The following PUS10 variants were observed in gnomAD, a reference collection of about 807,000 sequenced individuals.
PUS10 encodes the protein pseudouridine synthase 10, also known as tRNA pseudouridine synthase Pus10.
Under a neutral mutation model 75.0 loss-of-function variants are expected in PUS10, and 59 were observed. The ratio of observed to expected loss-of-function variants is 0.79; its 90% CI spans 0.64 to 0.98. The LOEUF (loss-of-function observed/expected upper bound fraction) is 0.98. Ranked by LOEUF, PUS10 falls within the 50% of genes least tolerant of loss-of-function variation. The pLI, the probability that PUS10 is intolerant of heterozygous loss-of-function variation, is 0.00. For synonymous variants in PUS10, 219 were observed against 211.6 expected (o/e 1.03, Z -0.30); for missense variants, 650 against 614.4 (o/e 1.06, Z -0.61).
At chr2:61,014,275 G>A (rs958119845) in intron 1 of PUS10, among the ~76,000 whole-genome samples, 2 of 152,016 alleles carry the variant, frequency 1.3e-5, no homozygotes, top group Non-Finnish European at 2.9e-5. Flanking sequence ...CCACTCAGGA[G>A]GCTGAGACAA....
intron 4 of PUS10, among the ~76,000 whole-genome samples, chr2:61,000,539 C>T (rs1237682806): frequency 6.6e-6 from 1 of 152,130 alleles, no homozygotes; most frequent in African/African-American, 2.4e-5. Context: ...AATCTGTTTC[C>T]TTGCCTTTTC....
intron 15 of PUS10, among the ~76,000 whole-genome samples, chr2:60,949,340 A>G (rs964726472): frequency 4.6e-5 from 7 of 152,124 alleles, no homozygotes; most frequent in African/African-American, 1.4e-4. Flanking sequence ...ATTAACAACT[A>G]TCTATGGAGT....
chr2:60,963,475 T>C (rs1573415570), intron 8 of PUS10, among the ~76,000 whole-genome samples: 1 of 152,320 alleles, frequency 6.6e-6, no homozygotes, highest in South Asian at 2.1e-4. Context: ...CACTTGGATT[T>C]TTTAAGATAA....
intron 10 of PUS10, 129 bp downstream of exon 10, chr2:60,961,334 C>T (rs536630032): frequency 2.7e-6 from 2 of 736,938 alleles, no homozygotes; most frequent in Admixed American, 2.3e-5. Flanking sequence ...ATTGATTCTA[C>T]TTCTCAAGAG....
At chr2:60,948,386 C>T (rs751162994) in intron 15 of PUS10, among the ~76,000 whole-genome samples, 4 of 152,148 alleles carry the variant, frequency 2.6e-5, no homozygotes, top group Non-Finnish European at 5.9e-5. Context: ...CCGCCATGCC[C>T]GGCTGATTTT....
chr2:60,990,171 C>A (rs931867866), intron 4 of PUS10, among the ~76,000 whole-genome samples: 3 of 151,650 alleles, frequency 2.0e-5, no homozygotes, highest in African/African-American at 7.3e-5. Context: ...GGAAAAAAAA[C>A]CTAGAAAACA....
intron 4 of PUS10, among the ~76,000 whole-genome samples, chr2:60,996,483 T>C (rs1678469089): frequency 6.6e-6 from 1 of 152,080 alleles, no homozygotes; most frequent in Non-Finnish European, 1.5e-5. Context: ...GTGATGTTCA[T>C]GAGTGTATGG....
intron 1 of PUS10, among the ~76,000 whole-genome samples, chr2:61,015,019 T>G (rs1010995941): frequency 2.0e-5 from 3 of 152,152 alleles, no homozygotes; most frequent in Non-Finnish European, 4.4e-5. Flanking sequence ...GAATTCTAAT[T>G]CAGGGGAATA....
At chr2:60,989,165 C>G (rs1573473257) in intron 4 of PUS10, among the ~76,000 whole-genome samples, 9 of 152,126 alleles carry the variant, frequency 5.9e-5, no homozygotes, top group Admixed American at 5.9e-4. Flanking sequence ...AGGAGTTAAG[C>G]AGCACCAAGG....
intron 17 of PUS10, among the ~76,000 whole-genome samples, chr2:60,943,782 G>A (rs984049818): frequency 2.2e-4 from 33 of 151,970 alleles, no homozygotes; most frequent in Non-Finnish European, 3.7e-4. Flanking sequence ...GTGTGTGTGT[G>A]TGTGTGTGTG....
At chr2:61,003,657 A>G (rs1203875905) in intron 4 of PUS10, among the ~76,000 whole-genome samples, 3 of 146,148 alleles carry the variant, frequency 2.1e-5, no homozygotes, top group Non-Finnish European at 4.5e-5. Context: ...CAATCCCCCC[A>G]CCTTGGTCTC....
At chr2:61,004,742 A>G (rs1056865420) in intron 4 of PUS10, among the ~76,000 whole-genome samples, 13 of 152,172 alleles carry the variant, frequency 8.5e-5, no homozygotes, top group African/African-American at 1.7e-4. Context: ...TATACTGCAT[A>G]TAAAACTGTA....
chr2:61,007,296 T>A (rs866804246), intron 3 of PUS10, among the ~76,000 whole-genome samples: 17 of 152,166 alleles, frequency 1.1e-4, no homozygotes, highest in Middle Eastern at 3.4e-3. Context: ...AGTGTTCCTT[T>A]CAATATAAAA....
intron 8 of PUS10, among the ~76,000 whole-genome samples, chr2:60,964,082 G>T (rs1676192738): frequency 6.6e-6 from 1 of 152,168 alleles, no homozygotes; most frequent in South Asian, 2.1e-4. Flanking sequence ...GGAAACCCCA[G>T]GCCTGTTGCT....
chr2:61,002,911 CTACT>C (rs1425145799), intron 4 of PUS10, among the ~76,000 whole-genome samples: 1 of 152,114 alleles, frequency 6.6e-6, no homozygotes, highest in African/African-American at 2.4e-5. Flanking sequence ...TTTATTTATT[CTACT>C]TACTACGTCT....
intron 4 of PUS10, among the ~76,000 whole-genome samples, chr2:60,982,812 C>A (rs748677646): frequency 6.6e-6 from 1 of 151,936 alleles, no homozygotes; most frequent in East Asian, 1.9e-4. Flanking sequence ...ATGTAAATAT[C>A]CTAAATAAAA....
chr2:60,941,501 A>G lies in PUS10; in HGVS notation c.*894T>C, dbSNP rs937666565. 4 of 152,234 alleles carry G rather than the reference A, an allele frequency of 2.6e-5. No individual in the cohort carries two copies. The allele number at this position is 152,234 out of a possible 1,614,324, so 9.4% of individuals were successfully genotyped here. A position where few individuals can be genotyped will look rare whatever the true frequency, so the allele number is the denominator to read the frequency against. On this transcript the variant is annotated 3_prime_UTR_variant, in exon 18 of 18. Transcript: ENST00000316752. ...ATTTAACTTCTAGTCTTTGGTTTCC[A>G]TATTTATAAAATGGAGACAATATCC...
intron 4 of PUS10, among the ~76,000 whole-genome samples, chr2:60,981,097 T>A (rs1029096020): frequency 2.0e-5 from 3 of 152,112 alleles, no homozygotes; most frequent in Non-Finnish European, 4.4e-5. Context: ...TTCGCCATGT[T>A]GGCCAGGCTT....
At chr2:60,988,068 G>A (rs571869760) in intron 4 of PUS10, among the ~76,000 whole-genome samples, 2 of 152,174 alleles carry the variant, frequency 1.3e-5, no homozygotes, top group Admixed American at 1.3e-4. Flanking sequence ...CAGCCTGGGT[G>A]AGAGAGCAAG....
Sources: gnomAD v4.1 joint callset for allele counts (sites outside exome capture counted in the v4.1 genomes callset) on GRCh38, gnomAD v4.1.1 for gene constraint, MANE v1.5 for transcripts, NCBI Gene and HGNC (gene_info 2026-07-23, HGNC 2026-07-21) for gene names.